PIEZO2: variants seen among roughly 807,000 people sequenced by gnomAD.
PIEZO2 encodes the protein piezo-type mechanosensitive ion channel component 2.
PIEZO2 carries 172 observed loss-of-function variants against 337.3 expected under a neutral mutation model. That is an observed-to-expected ratio of 0.51 (90% CI 0.45 to 0.58). The LOEUF is 0.58. Ranked by LOEUF, PIEZO2 falls within the 20% of genes least tolerant of loss-of-function variation. The pLI is 0.00. For synonymous variants in PIEZO2, 1,251 were observed against 1,228.5 expected, an observed-to-expected ratio of 1.02 and a Z score of -0.38; for missense variants, 3,028 against 3,391.3, an observed-to-expected ratio of 0.89 and a Z score of 2.66.
intron 7 of PIEZO2, among the ~76,000 whole-genome samples, chr18:10,812,302 C>T (rs979803892): frequency 6.6e-6 from 1 of 152,064 alleles, no homozygotes. Context: ...TTGTTGTTCT[C>T]ACTTGTAAGT....
At chr18:10,865,404 G>C (rs2041979639) in intron 5 of PIEZO2, among the ~76,000 whole-genome samples, 1 of 152,216 alleles carries the variant, frequency 6.6e-6, no homozygotes, top group Admixed American at 6.5e-5. Flanking sequence ...CTTGCTGAGA[G>C]GCAGTGGCTG....
At chr18:10,874,644 A>G (rs567574797) in intron 4 of PIEZO2, among the ~76,000 whole-genome samples, 1 of 152,354 alleles carries the variant, frequency 6.6e-6, no homozygotes, top group African/African-American at 2.4e-5. Context: ...GCCATAAAAA[A>G]GAATGAAATC....
Position 11,109,513 on chromosome 18 carries a change from T to G in PIEZO2, c.64+39012A>C, listed in dbSNP as rs4392133. Among the ~76,000 whole-genome samples the G allele has an allele frequency of 2.0e-5, 3 of 152,120 alleles. No individual in the cohort carries two copies. In the East Asian group the frequency reaches 5.8e-4, roughly 29 times the overall value. ...GGTGGATCACTTGAGGTCAGGGGTTTGAGACGACCCTGGCCAAGATGGCGA... is the reference window on the plus strand; with the variant it reads ...GGTGGATCACTTGAGGTCAGGGGTTGGAGACGACCCTGGCCAAGATGGCGA... On this transcript the variant is annotated intron_variant, in intron 1 of 55. Coordinates refer to ENST00000674853, the MANE Select transcript of PIEZO2 (RefSeq NM_001378183.1). This position sits in a 1 kb window ranked among gnomAD's most constrained non-coding sequence, Gnocchi z 5.1.
intron 7 of PIEZO2, among the ~76,000 whole-genome samples, chr18:10,851,961 T>C (rs2041566661): frequency 1.3e-5 from 2 of 152,152 alleles, no homozygotes; most frequent in South Asian, 2.1e-4. Flanking sequence ...CTTAAGCCAG[T>C]AGAAAGAATA....
At chr18:10,917,141 C>A (rs201389199) in intron 3 of PIEZO2, among the ~76,000 whole-genome samples, 1 of 936 alleles carries the variant, frequency 1.1e-3, no homozygotes, top group Non-Finnish European at 2.0e-3. Context: ...AGGTCGGTCA[C>A]CCACCAATAT....
chr18:10,686,613 T>C (rs1483965852), intron 49 of PIEZO2, among the ~76,000 whole-genome samples: 1 of 152,186 alleles, frequency 6.6e-6, no homozygotes, highest in East Asian at 1.9e-4. Context: ...ACACTGAGCT[T>C]GCCATCACAG....
chr18:10,736,714 A>G lies in PIEZO2; in HGVS notation c.4709-4T>C. 6.5e-7 allele frequency: 1 copy of G among 1,533,614 alleles called. No homozygotes were observed. The highest frequency in any genetic ancestry group is 8.7e-7 in the Non-Finnish European group (1 of 1,145,856). ...TAATAATCTCCACTCCTGACCACTA[A>G]GCAAAACAAAATATTCACTCATTTC... On this transcript the variant is annotated splice_polypyrimidine_tract_variant and splice_region_variant and intron_variant, in intron 33 of 55. Transcript: ENST00000674853.
rs2865146 is a variant in PIEZO2, at chr18:11,111,638, A to G, written c.64+36887T>C. Among the ~76,000 whole-genome samples the G allele has an allele frequency of 6.6e-6, 1 of 151,972 alleles. No individual in the cohort carries two copies. The highest frequency in any genetic ancestry group is 2.4e-5 in the African/African-American group (1 of 41,388). ...ATCCAGTTCTTCTCCTGCCACCCCC[A>G]ACTTCCTCTCTCCTGTGCTCACATG... On this transcript the variant is annotated intron_variant, in intron 1 of 55. Coordinates refer to ENST00000674853, the MANE Select transcript of PIEZO2 (RefSeq NM_001378183.1). The surrounding 1 kb of genome is among the most constrained non-coding windows in gnomAD (Gnocchi z 6.2).
intron 2 of PIEZO2, among the ~76,000 whole-genome samples, chr18:11,041,893 T>C (rs1193579030): frequency 6.6e-6 from 1 of 152,200 alleles, no homozygotes; most frequent in Non-Finnish European, 1.5e-5. Flanking sequence ...AAACTATCTC[T>C]AGGACTGAGC....
At chr18:10,771,085 G>A (rs761740922) in intron 20 of PIEZO2, among the ~76,000 whole-genome samples, 2 of 152,096 alleles carry the variant, frequency 1.3e-5, no homozygotes, top group Non-Finnish European at 2.9e-5. Flanking sequence ...AATATTCTAG[G>A]AATGTTAAAT....
chr18:11,050,137 C>T (rs896548559), intron 2 of PIEZO2, among the ~76,000 whole-genome samples: 6 of 151,936 alleles, frequency 3.9e-5, no homozygotes, highest in African/African-American at 7.3e-5. Flanking sequence ...CTAAAAGACC[C>T]GCATTAATTT....
intron 2 of PIEZO2, among the ~76,000 whole-genome samples, chr18:11,012,364 C>T (rs978465457): frequency 1.3e-5 from 2 of 152,120 alleles, no homozygotes; most frequent in Admixed American, 6.5e-5. Context: ...AAGTTCCAAG[C>T]ATATAGGACA....
intron 1 of PIEZO2, among the ~76,000 whole-genome samples, chr18:11,086,121 A>C (rs1254408917): frequency 6.6e-6 from 1 of 152,232 alleles, no homozygotes; most frequent in Non-Finnish European, 1.5e-5. Context: ...CTGATATATC[A>C]GCAATGGGTA....
At chr18:10,897,253 C>T (rs971666457) in intron 4 of PIEZO2, among the ~76,000 whole-genome samples, 1 of 151,984 alleles carries the variant, frequency 6.6e-6, no homozygotes, top group Non-Finnish European at 1.5e-5. Flanking sequence ...GTGGTGCAAC[C>T]TCGGCTCACT....
At position 11,112,603 on chromosome 18, in the gene PIEZO2, G is replaced by C. The variant is rs1174416104; in HGVS notation, c.64+35922C>G. ...CATAAACATTGCATACTAGTCAGAG[G>C]CTCACCAGGGTTGTAAAGAAGACTT... On this transcript the variant is annotated intron_variant, in intron 1 of 55. Transcript: ENST00000674853. The surrounding 1 kb of genome is among the most constrained non-coding windows in gnomAD (Gnocchi z 4.3). Among the ~76,000 whole-genome samples the C allele has an allele frequency of 2.6e-5, 4 of 152,180 alleles. No homozygotes were observed. The highest frequency in any genetic ancestry group is 5.9e-5 in the Non-Finnish European group (4 of 68,042).
intron 2 of PIEZO2, among the ~76,000 whole-genome samples, chr18:11,017,896 G>T (rs1031676863): frequency 1.3e-5 from 2 of 152,168 alleles, no homozygotes; most frequent in Non-Finnish European, 2.9e-5. Context: ...GGGAGGTTAA[G>T]GTGGGAGGAC....
rs1394128293 is a variant in PIEZO2, at chr18:10,682,281, C to T, written c.7509G>A (p.Gln2503=). 1 of 1,535,414 alleles carries T rather than the reference C, an allele frequency of 6.5e-7. No individual in the cohort carries two copies. The highest frequency in any genetic ancestry group is 8.7e-7 in the Non-Finnish European group (1 of 1,145,896). Residue 2503 remains glutamine, a synonymous_variant, in exon 50 of 56, where the codon CAG becomes CAA. Transcript: ENST00000674853. This position sits in a 1 kb window ranked among gnomAD's most constrained non-coding sequence, Gnocchi z 5.6. ...CWRESEKRYP[Q]PRGQKKKKVV... ...CTTTCTTCTTCTTCTGGCCCCGTGGCTGAGGGTATCTCTGCAACAGAGAGT... is the reference window on the plus strand; with the variant it reads ...CTTTCTTCTTCTTCTGGCCCCGTGGTTGAGGGTATCTCTGCAACAGAGAGT...
At chr18:10,780,865 G>A (rs563234013) in intron 17 of PIEZO2, among the ~76,000 whole-genome samples, 6 of 151,698 alleles carry the variant, frequency 4.0e-5, no homozygotes, top group African/African-American at 9.7e-5. Flanking sequence ...GTTTTACTAT[G>A]TTGGCTTAGT....
rs1413957633 is a variant in PIEZO2, at chr18:11,127,576, A to G, written c.64+20949T>C. Reference sequence around the variant, plus strand: ...TTCCTGCCCTCGAACATCAGGCTCCAAGTTCTTCAGTTTCGAGACTCAGAC... The same window carrying G: ...TTCCTGCCCTCGAACATCAGGCTCCGAGTTCTTCAGTTTCGAGACTCAGAC... On this transcript the variant is annotated intron_variant, in intron 1 of 55. Transcript: ENST00000674853. The surrounding 1 kb of genome is among the most constrained non-coding windows in gnomAD (Gnocchi z 4.5). Among the ~76,000 whole-genome samples the G allele has an allele frequency of 3.9e-5, 6 of 152,186 alleles. No homozygotes were observed. Among genetic ancestry groups the G allele is most frequent in the South Asian group, 4.2e-4 (2 of 4,810 alleles).
Sources: allele counts gnomAD v4.1 joint callset (sites outside exome capture counted in the v4.1 genomes callset), GRCh38; gene constraint gnomAD v4.1.1; non-coding constraint Gnocchi (gnomAD v3.1); transcripts MANE v1.5; gene names NCBI Gene and HGNC (gene_info 2026-07-23, HGNC 2026-07-21).